WDPCP: variants seen among roughly 807,000 people sequenced by gnomAD.
WDPCP encodes WD repeat-containing and planar cell polarity effector protein fritz homolog.
A neutral mutation model predicts 93.1 loss-of-function variants in WDPCP; 71 were observed. The observed-to-expected ratio is 0.76, with a 90% CI of 0.63 to 0.93. WDPCP has a LOEUF of 0.93. WDPCP is among the 40% of genes least tolerant of loss of function. The pLI, the probability that WDPCP is intolerant of heterozygous loss-of-function variation, is 0.00. For missense variants in WDPCP, 844 were observed against 887.4 expected (o/e 0.95, Z 0.62); for synonymous variants, 315 against 315.0 (o/e 1.00, Z 0.00).
intron 1 of WDPCP, among the ~76,000 whole-genome samples, chr2:63,587,753 G>A (rs548067887): frequency 3.0e-4 from 45 of 152,332 alleles, no homozygotes; most frequent in African/African-American, 1.1e-3. Flanking sequence ...TAAACAACCA[G>A]TGTCTCCCCT....
intron 12 of WDPCP, among the ~76,000 whole-genome samples, chr2:63,339,954 A>G (rs959209263): frequency 6.6e-6 from 1 of 152,046 alleles, no homozygotes; most frequent in African/African-American, 2.4e-5. Context: ...TGAAATAATC[A>G]TATGTTTTTT....
At chr2:63,802,484 T>C (rs756142533) in intron 2 of WDPCP, among the ~76,000 whole-genome samples, 1 of 152,102 alleles carries the variant, frequency 6.6e-6, no homozygotes, top group Non-Finnish European at 1.5e-5. Flanking sequence ...TGATAAGGTT[T>C]ACAGATGCCA....
intron 9 of WDPCP, among the ~76,000 whole-genome samples, chr2:63,426,813 A>C (rs2105400981): frequency 6.6e-6 from 1 of 152,330 alleles, no homozygotes; most frequent in South Asian, 2.1e-4. Context: ...TGTCTTTAAG[A>C]GAGCCAATTC....
chr2:63,440,596 G>T (rs1697445118), intron 6 of WDPCP: 1 of 152,440 alleles, frequency 6.6e-6, no homozygotes, highest in South Asian at 2.1e-4. Flanking sequence ...TTCCATTTGT[G>T]GCAGCATAAT....
At chr2:63,383,963 G>A (rs1692527039) in intron 10 of WDPCP, among the ~76,000 whole-genome samples, 1 of 152,158 alleles carries the variant, frequency 6.6e-6, no homozygotes, top group South Asian at 2.1e-4. Flanking sequence ...ACATTTAAAA[G>A]TTTTAAAATC....
rs1697385242 is a variant in WDPCP at position 63,439,828 on chromosome 2, C to T, written c.428G>A (p.Gly143Glu). ...SGVLVSLSLS[G>E]PQLEKVVIDR... is the part of the protein sequence containing the mutation. The stretch of plus-strand genomic sequence containing the variant: ...AATCACCACTTTCTCCAGCTGCGGC[C>T]CAGAAAGGCTTAGAGACACCAGCAC... Residue 143 changes from glycine (G) to glutamate (E), a missense_variant, in exon 7 of 18, where the codon GGG becomes GAG. Transcript: ENST00000272321. 6.2e-7 allele frequency: 1 copy of T among 1,613,160 alleles called. No homozygotes were observed.
upstream of WDPCP, among the ~76,000 whole-genome samples, chr2:63,832,007 T>C (rs1671209729): frequency 6.6e-6 from 1 of 152,220 alleles, no homozygotes; most frequent in African/African-American, 2.4e-5. Flanking sequence ...TTGAGTTTTC[T>C]TTGAGACTAC....
chr2:63,515,708 T>C (rs1225054325), intron 1 of WDPCP, among the ~76,000 whole-genome samples: 1 of 152,212 alleles, frequency 6.6e-6, no homozygotes, highest in Non-Finnish European at 1.5e-5. Flanking sequence ...ATGCTTTACA[T>C]GCATTTTCTC....
intron 6 of WDPCP, among the ~76,000 whole-genome samples, chr2:63,479,532 T>C (rs1384865174): frequency 1.3e-5 from 2 of 152,212 alleles, no homozygotes; most frequent in Non-Finnish European, 2.9e-5. Flanking sequence ...TAATTTAACA[T>C]ACTCAATTCA....
chr2:63,253,785 G>A (rs1465510215), intron 14 of WDPCP, among the ~76,000 whole-genome samples: 1 of 152,184 alleles, frequency 6.6e-6, no homozygotes, highest in Non-Finnish European at 1.5e-5. Context: ...TACACTGCTG[G>A]TGGGAATGTA....
At chr2:63,752,347 T>G in intron 2 of WDPCP, 1 of 788,162 alleles carries the variant, frequency 1.3e-6, no homozygotes, top group Non-Finnish European at 2.2e-6. Context: ...GGGCACCTGG[T>G]CTTTGAGAAC....
chr2:63,491,293 T>C (rs1386623927), intron 2 of WDPCP, among the ~76,000 whole-genome samples: 1 of 152,188 alleles, frequency 6.6e-6, no homozygotes, highest in Admixed American at 6.5e-5. Context: ...TTGAAGATAT[T>C]CCTCAAATAT....
intron 2 of WDPCP, among the ~76,000 whole-genome samples, chr2:63,723,682 G>A (rs952148096): frequency 6.6e-6 from 1 of 152,194 alleles, no homozygotes; most frequent in Admixed American, 6.5e-5. Flanking sequence ...CTGCTGATGA[G>A]TGACACCTCT....
chr2:63,154,254 G>A (rs761163897), intron 15 of WDPCP, among the ~76,000 whole-genome samples: 1 of 151,756 alleles, frequency 6.6e-6, no homozygotes, highest in South Asian at 2.1e-4. Flanking sequence ...ATTACAAACA[G>A]AATATAGAAC....
intron 1 of WDPCP, among the ~76,000 whole-genome samples, chr2:63,559,572 A>G (rs772118564): frequency 2.6e-5 from 4 of 152,222 alleles, no homozygotes; most frequent in Non-Finnish European, 5.9e-5. Context: ...AACTTCTGCA[A>G]AGTTTCAAGA....
chr2:63,446,940 C>T (rs1463148248), intron 6 of WDPCP, among the ~76,000 whole-genome samples: 1 of 152,148 alleles, frequency 6.6e-6, no homozygotes, highest in Non-Finnish European at 1.5e-5. Flanking sequence ...CCAAATATAT[C>T]TCACATAGTA....
chr2:63,439,888 G>A lies in WDPCP; in HGVS notation c.385-17C>T, dbSNP rs183208705. ...AAAAAGGAGCTAAAACCAGGTAAGT[G>A]GGGGAGAGAGGGAGGAAGACATGCT... On this transcript the variant is annotated splice_polypyrimidine_tract_variant and intron_variant, in intron 6 of 17. Transcript: ENST00000272321. The A allele has an allele frequency of 8.2e-6, 13 of 1,580,766 alleles. No homozygotes were observed. In the Admixed American group the frequency reaches 8.4e-5, roughly 10 times the overall value.
chr2:63,718,275 T>C (rs1669366147), intron 2 of WDPCP, among the ~76,000 whole-genome samples: 1 of 152,172 alleles, frequency 6.6e-6, no homozygotes, highest in South Asian at 2.1e-4. Flanking sequence ...AGATAGCCAG[T>C]AGTGAGATTG....
At chr2:63,327,979 C>G (rs895419914) in intron 12 of WDPCP, among the ~76,000 whole-genome samples, 8 of 152,186 alleles carry the variant, frequency 5.3e-5, no homozygotes, top group Admixed American at 4.6e-4. Flanking sequence ...TCGCCCCTAT[C>G]CGGCAGGAAA....
Sources: allele counts gnomAD v4.1 joint callset (sites outside exome capture counted in the v4.1 genomes callset), GRCh38; gene constraint gnomAD v4.1.1; transcripts MANE v1.5; gene names NCBI Gene and HGNC (gene_info 2026-07-23, HGNC 2026-07-21).